Variants in OLFM3 observed in about 807,000 individuals in gnomAD.
OLFM3 encodes noelin-3.
Under a neutral mutation model 48.6 loss-of-function variants are expected in OLFM3, and 20 were observed. That is an observed-to-expected ratio of 0.41 (90% CI 0.29 to 0.60). The LOEUF (loss-of-function observed/expected upper bound fraction) is 0.60. Among genes scored for constraint, OLFM3 ranks in the 20% least tolerant of loss-of-function variants. OLFM3 has a pLI of 0.28. For missense variants in OLFM3, 437 were observed against 544.3 expected, an observed-to-expected ratio of 0.80 and a Z score of 1.96; for synonymous variants, 222 against 198.1, an observed-to-expected ratio of 1.12 and a Z score of -1.01.
chr1:101,802,690 G>A lies in OLFM3; in HGVS notation c.*1548C>T, dbSNP rs1459044717. 1 of 151,536 alleles carries A rather than the reference G, an allele frequency of 6.6e-6. No homozygotes were observed. The highest frequency in any genetic ancestry group is 1.5e-5 in the Non-Finnish European group (1 of 67,692). 9.4% of individuals were successfully genotyped at this position (151,536 alleles called of 1,614,324 possible). ...AAATGTTAGGATTTCTTTACATGAT[G>A]CTTTATCTAAATCATTACATCCTTA... On this transcript the variant is annotated 3_prime_UTR_variant, in exon 6 of 6. Coordinates refer to ENST00000370103, the MANE Select transcript of OLFM3 (RefSeq NM_058170.4).
At chr1:101,979,889 C>T (rs531031502) in intron 1 of OLFM3, among the ~76,000 whole-genome samples, 16 of 152,322 alleles carry the variant, frequency 1.1e-4, no homozygotes, top group African/African-American at 3.6e-4. Context: ...TGAGGCTGTA[C>T]CCTGCAAAGC....
At position 101,824,768 on chromosome 1, in the gene OLFM3, T is replaced by C. The variant is rs3795527; in HGVS notation, c.592+258A>G. 4.4e-4 allele frequency among the ~76,000 whole-genome samples: 67 copies of C among 152,264 alleles called. 1 individual carries two copies. In the East Asian group the frequency reaches 9.7e-3, roughly 22 times the overall value. ...AATGTATATCCACTAGTGTAGTCCA[T>C]AGAGTTGACTGTATTTGCCAGATTA... On this transcript the variant is annotated intron_variant, in intron 4 of 5. Coordinates refer to ENST00000370103, the MANE Select transcript of OLFM3 (RefSeq NM_058170.4).
At chr1:101,882,046 C>G (rs901048953) in intron 1 of OLFM3, among the ~76,000 whole-genome samples, 2 of 150,418 alleles carry the variant, frequency 1.3e-5, no homozygotes, top group African/African-American at 2.4e-5. Context: ...TTGAATAAAT[C>G]TAATCTTATT....
intron 1 of OLFM3, among the ~76,000 whole-genome samples, chr1:101,973,179 A>G (rs529952989): frequency 1.1e-4 from 16 of 152,344 alleles, no homozygotes; most frequent in Admixed American, 7.8e-4. Flanking sequence ...CAAATCCCCA[A>G]GGCATGCCGT....
At chr1:101,978,865 C>T (rs1661026834) in intron 1 of OLFM3, among the ~76,000 whole-genome samples, 1 of 151,888 alleles carries the variant, frequency 6.6e-6, no homozygotes, top group African/African-American at 2.4e-5. Flanking sequence ...CTAAAGTTAA[C>T]ATTTTTCTTC....
intron 1 of OLFM3, among the ~76,000 whole-genome samples, chr1:101,931,394 T>C (rs1659441562): frequency 1.3e-5 from 2 of 152,162 alleles, no homozygotes; most frequent in African/African-American, 4.8e-5. Flanking sequence ...TGGTGACACT[T>C]TCCCCTGCCA....
chr1:101,904,265 G>A (rs1257081128), intron 1 of OLFM3, among the ~76,000 whole-genome samples: 1 of 152,108 alleles, frequency 6.6e-6, no homozygotes, highest in African/African-American at 2.4e-5. Flanking sequence ...GAAGATGGGA[G>A]AGGATATGGT....
Position 101,828,020 on chromosome 1 carries a change from C to CTCTCTCTGTCTATCTG in OLFM3, c.372+2651_372+2652insCAGATAGACAGAGAGA, listed in dbSNP as rs1553170808. Among the ~76,000 whole-genome samples the CTCTCTCTGTCTATCTG allele has an allele frequency of 6.6e-5, 8 of 121,786 alleles. No homozygotes were observed. In the East Asian group the frequency reaches 1.6e-3, roughly 25 times the overall value. The allele number at this position is 121,786 out of a possible 152,430, so 79.9% of individuals were successfully genotyped here. On this transcript the variant is annotated intron_variant, in intron 3 of 5. Transcript: ENST00000370103. ...ACTTCTGCATTCATGCTCTCTCTCT[C>CTCTCTCTGTCTATCTG]TCTCTCTCTCTCTGTCTGTCTGTCT...
At chr1:101,819,392 T>C (rs1440732323) in intron 4 of OLFM3, among the ~76,000 whole-genome samples, 6 of 152,088 alleles carry the variant, frequency 3.9e-5, no homozygotes, top group Non-Finnish European at 2.9e-5. Flanking sequence ...ACAGGTGTAA[T>C]ATAACAAGAT....
intron 1 of OLFM3, among the ~76,000 whole-genome samples, chr1:101,874,145 C>A (rs1181536791): frequency 6.6e-6 from 1 of 151,810 alleles, no homozygotes; most frequent in Non-Finnish European, 1.5e-5. Flanking sequence ...ATATATAATA[C>A]TTTTACGATT....
intron 1 of OLFM3, among the ~76,000 whole-genome samples, chr1:101,925,279 T>C (rs963658773): frequency 6.6e-6 from 1 of 151,998 alleles, no homozygotes; most frequent in East Asian, 1.9e-4. Flanking sequence ...AATATTTGTA[T>C]TTTCCTTGTA....
intron 1 of OLFM3, among the ~76,000 whole-genome samples, chr1:101,870,413 A>G (rs1475458431): frequency 1.3e-5 from 2 of 152,192 alleles, no homozygotes; most frequent in Non-Finnish European, 2.9e-5. Flanking sequence ...CACTGGGACT[A>G]GTGGATATAA....
At chr1:101,974,787 T>C (rs561963148) in intron 1 of OLFM3, among the ~76,000 whole-genome samples, 13 of 152,286 alleles carry the variant, frequency 8.5e-5, no homozygotes, top group African/African-American at 3.1e-4. Flanking sequence ...TGTTTGGTCC[T>C]GGGTTCACAA....
In OLFM3 at chr1:101,830,826, A is replaced by G; in HGVS notation, c.218T>C (p.Val73Ala). 6.2e-7 allele frequency: 1 copy of G among 1,612,512 alleles called. No individual in the cohort carries two copies. The highest frequency in any genetic ancestry group is 8.5e-7 in the Non-Finnish European group (1 of 1,179,426). ...TTCAATAGACTGGGACATGTTCTGA[A>G]CCTGTTGAACAAGAATATTGTCTGT... The part of the protein sequence containing the change: ...SRQLRQLLEK[V>A]QNMSQSIEVL... Residue 73 changes from valine (V) to alanine (A), a missense_variant and splice_region_variant, in exon 3 of 6, where the codon GTT (valine) becomes GCT (alanine). Physicochemically the swap from Val to Ala is moderately conservative, Grantham distance 64. Coordinates refer to ENST00000370103, the MANE Select transcript of OLFM3 (RefSeq NM_058170.4).
chr1:101,946,994 A>G (rs1373221423), intron 1 of OLFM3, among the ~76,000 whole-genome samples: 1 of 152,180 alleles, frequency 6.6e-6, no homozygotes, highest in Non-Finnish European at 1.5e-5. Context: ...AATGTGAAAG[A>G]AAATGAGAAA....
At chr1:101,961,571 C>A (rs942536250) in intron 1 of OLFM3, among the ~76,000 whole-genome samples, 4 of 151,980 alleles carry the variant, frequency 2.6e-5, no homozygotes, top group Non-Finnish European at 1.5e-5. Flanking sequence ...AGATCCTTGA[C>A]AGACTAAAGG....
chr1:101,989,731 GA>G (rs1009641784), intron 1 of OLFM3, among the ~76,000 whole-genome samples: 17 of 125,616 alleles, frequency 1.4e-4, no homozygotes, highest in Non-Finnish European at 3.0e-4. Flanking sequence ...AAGGTCTTTT[GA>G]AAAACTCTTT....
chr1:101,888,771 C>T (rs1418932417), intron 1 of OLFM3, among the ~76,000 whole-genome samples: 2 of 152,248 alleles, frequency 1.3e-5, no homozygotes, highest in South Asian at 2.1e-4. Context: ...GGCTAATATC[C>T]AGAATCTACA....
At chr1:101,818,685 AATACTGCATTGCCATTGAAG>A (rs1415794505) in intron 4 of OLFM3, among the ~76,000 whole-genome samples, 1 of 152,126 alleles carries the variant, frequency 6.6e-6, no homozygotes, top group African/African-American at 2.4e-5. Flanking sequence ...TTTGGAATGA[AATACTGCATTGCCATTGAAG>A]AGAGAACAGT....
Sources: gnomAD v4.1 joint callset for allele counts (sites outside exome capture counted in the v4.1 genomes callset) on GRCh38, gnomAD v4.1.1 for gene constraint, MANE v1.5 for transcripts, NCBI Gene and HGNC (gene_info 2026-07-23, HGNC 2026-07-21) for gene names.